TTC17: variants seen among roughly 807,000 people sequenced by gnomAD.
The protein encoded by TTC17 is tetratricopeptide repeat protein 17.
In TTC17, 58 loss-of-function variants were observed where a neutral mutation model predicts 143.8. That is an observed-to-expected ratio of 0.40 (90% confidence interval 0.33 to 0.50). The LOEUF is 0.50. TTC17 is among the 20% of genes least tolerant of loss of function. TTC17 has a pLI of 0.49. For missense variants in TTC17, 1,273 were observed against 1,392.5 expected (o/e 0.91, Z 1.37); for synonymous variants, 501 against 497.8 (o/e 1.01, Z -0.09).
intron 21 of TTC17, among the ~76,000 whole-genome samples, chr11:43,477,816 A>AT (rs534869820): frequency 1.3e-5 from 2 of 152,018 alleles, no homozygotes. Flanking sequence ...TTCTAAATTA[A>AT]TTTTTTTTGG....
chr11:43,493,652 G>A (rs746982436), intron 23 of TTC17, 121 bp from the exon 24 acceptor site: 200 of 1,465,256 alleles, frequency 1.4e-4, no homozygotes, highest in Middle Eastern at 7.2e-4. Context: ...ACTTAGATCC[G>A]TTGAGCAAAT....
chr11:43,444,266 C>G, intron 18 of TTC17, 57 bp downstream of exon 18: 4 of 1,524,626 alleles, frequency 2.6e-6, no homozygotes, highest in Non-Finnish European at 3.5e-6. Flanking sequence ...TATCTCATTT[C>G]TCACAAAGGT....
rs761825731 is a variant in TTC17 at position 43,450,095 on chromosome 11, A to G, written c.2800A>G (p.Ile934Val). The stretch of plus-strand genomic sequence containing the variant: ...TCCATTTTTCAGCATCACAGAACAC[A>G]TAGATTTTGCCACCCCTATACAGCA... The part of the protein sequence containing the change: ...SSKNIDITEH[I>V]DFATPIQQPA... The change falls in exon 20 of 24, where the codon ATA becomes GTA. Residue 934 changes from isoleucine to valine, a missense_variant. By Grantham distance (29) the Ile-to-Val change is conservative. This residue lies in a region of TTC17 where 878 missense variants were observed against 899.8 expected (regional missense o/e 0.98). Coordinates refer to ENST00000039989, the MANE Select transcript of TTC17 (RefSeq NM_018259.6). 9.9e-6 allele frequency: 16 copies of G among 1,613,814 alleles called. No individual in the cohort carries two copies. The highest frequency in any genetic ancestry group is 1.3e-5 in the African/African-American group (1 of 74,890).
At chr11:43,362,071 C>G (rs1490741076) in intron 1 of TTC17, among the ~76,000 whole-genome samples, 1 of 151,006 alleles carries the variant, frequency 6.6e-6, no homozygotes, top group Non-Finnish European at 1.5e-5. Context: ...ACCTCCGCCT[C>G]CCGGGTTCAA....
intron 21 of TTC17, among the ~76,000 whole-genome samples, chr11:43,464,295 A>G (rs1384709031): frequency 1.3e-5 from 2 of 152,046 alleles, no homozygotes; most frequent in East Asian, 1.9e-4. Context: ...AAAAAAAAAA[A>G]TTACATCCAT....
chr11:43,398,049 A>C lies in TTC17; in HGVS notation c.994A>C (p.Ile332Leu), dbSNP rs776082923. 1 of 1,614,010 alleles carries C rather than the reference A, an allele frequency of 6.2e-7. No individual in the cohort carries two copies. The highest frequency in any genetic ancestry group is 2.2e-5 in the East Asian group (1 of 44,872). ...LQARPGFEQA[I>L]KRKHAVLCQQ... ...GGCCAGACCTGGGTTTGAGCAAGCT[A>C]TAAAGAGGAAGCATGCTGTCCTATG... Residue 332 changes from isoleucine to leucine, a missense_variant, in exon 8 of 24, where the codon ATA becomes CTA. Physicochemically the swap from Ile to Leu is conservative, Grantham distance 5. Around this residue, in one of 3 missense-constraint regions of TTC17, gnomAD observed 325 missense variants for 444.2 expected, o/e 0.73. Transcript: ENST00000039989.
intron 16 of TTC17, among the ~76,000 whole-genome samples, chr11:43,434,306 G>T (rs916085824): frequency 5.3e-5 from 8 of 151,650 alleles, no homozygotes; most frequent in Non-Finnish European, 1.0e-4. Context: ...TTTACAAGTT[G>T]TACTTTTCAC....
chr11:43,466,712 C>T, intron 21 of TTC17: 1 of 358,058 alleles, frequency 2.8e-6, no homozygotes, highest in Non-Finnish European at 5.5e-6. Flanking sequence ...CAAATGAGTC[C>T]CAGTTTTTCA....
chr11:43,446,198 C>T, intron 18 of TTC17: 1 of 1,289,248 alleles, frequency 7.8e-7, no homozygotes, highest in Non-Finnish European at 9.8e-7. Context: ...ACATGCTATT[C>T]CCTCTGCCTG....
Position 43,379,935 on chromosome 11 carries a change from GTTTT to G in TTC17, c.249+620_249+623del, listed in dbSNP as rs199760648. On this transcript the variant is annotated intron_variant, in intron 2 of 23. Coordinates refer to ENST00000039989, the MANE Select transcript of TTC17 (RefSeq NM_018259.6). ...CAGTATTTGTTATTTGAAAAACTAGGTTTTTTTTTTCTCATGAAATCTCTGCTTT... is the reference window on the plus strand; with the variant it reads ...CAGTATTTGTTATTTGAAAAACTAGGTTTTTTCTCATGAAATCTCTGCTTT... Among the ~76,000 whole-genome samples, 5 of 148,712 alleles carry G rather than the reference GTTTT, an allele frequency of 3.4e-5. No individual in the cohort carries two copies. The South Asian group carries it at 1.1e-3, about 32-fold the overall frequency.
At chr11:43,406,566 CTT>C (rs58014740) in intron 13 of TTC17, among the ~76,000 whole-genome samples, 1 of 146,420 alleles carries the variant, frequency 6.8e-6, no homozygotes. Flanking sequence ...TCACAACCAC[CTT>C]TTTTTTTTTA....
chr11:43,370,213 C>G, intron 1 of TTC17: 1 of 381,450 alleles, frequency 2.6e-6, no homozygotes, highest in South Asian at 2.0e-5. Flanking sequence ...AGAGATAATT[C>G]CATGAGAAGT....
chr11:43,363,289 C>T (rs1856190325), intron 1 of TTC17, among the ~76,000 whole-genome samples: 1 of 152,114 alleles, frequency 6.6e-6, no homozygotes, highest in Non-Finnish European at 1.5e-5. Context: ...ATTTTTTAAT[C>T]AGTGTCTGGT....
rs375245646 is a variant in TTC17, at chr11:43,432,316, T to C, written c.2252-11009T>C. Among the ~76,000 whole-genome samples, 18 of 152,212 alleles carry C rather than the reference T, an allele frequency of 1.2e-4. No individual in the cohort carries two copies. The East Asian group carries it at 1.3e-3, about 11-fold the overall frequency. On this transcript the variant is annotated intron_variant, in intron 16 of 23. Transcript: ENST00000039989. ...AATTACCCTATTTATGCAGGAGATATCTAAGCATAGAAAAGAATGTTAATA... is the reference window on the plus strand; with the variant it reads ...AATTACCCTATTTATGCAGGAGATACCTAAGCATAGAAAAGAATGTTAATA...
chr11:43,395,010 A>G (rs1322819907), intron 5 of TTC17, among the ~76,000 whole-genome samples: 1 of 151,524 alleles, frequency 6.6e-6, no homozygotes, highest in Admixed American at 6.6e-5. Context: ...ACACAAAGAT[A>G]TTTCTTTAAA....
At chr11:43,459,293 G>T (rs1213573327) in intron 21 of TTC17, among the ~76,000 whole-genome samples, 2 of 152,142 alleles carry the variant, frequency 1.3e-5, no homozygotes, top group East Asian at 1.9e-4. Context: ...CAATTCCAGG[G>T]GTAGGGAACA....
intron 20 of TTC17, 99 bp downstream of exon 20, chr11:43,450,340 A>T: frequency 7.3e-7 from 1 of 1,366,840 alleles, no homozygotes; most frequent in Non-Finnish European, 9.6e-7. Context: ...TTTTAAAAAA[A>T]AATAGGGGCT....
chr11:43,406,497 G>C (rs1327057290), intron 13 of TTC17, among the ~76,000 whole-genome samples: 1 of 150,116 alleles, frequency 6.7e-6, no homozygotes, highest in East Asian at 1.9e-4. Context: ...TACCATATTA[G>C]ATATCATTCC....
chr11:43,493,850 AATCCAGACC>A lies in TTC17; in HGVS notation c.3379_3387del (p.Thr1127_Gln1129del). On this transcript the variant is annotated inframe_deletion, in exon 24 of 24. Coordinates refer to ENST00000039989, the MANE Select transcript of TTC17 (RefSeq NM_018259.6). ...CCGAGTTTGTCCCAGCCAAGAACCG[AATCCAGACC>A]ATCCAGTGTCACTTAATGCTGAAGA... 6.2e-7 allele frequency: 1 copy of A among 1,614,080 alleles called. No homozygotes were observed. The highest frequency in any genetic ancestry group is 8.5e-7 in the Non-Finnish European group (1 of 1,179,986).
Sources: allele counts gnomAD v4.1 joint callset (sites outside exome capture counted in the v4.1 genomes callset), GRCh38; gene constraint gnomAD v4.1.1; regional missense constraint gnomAD v4.1.1; transcripts MANE v1.5; gene names NCBI Gene and HGNC (gene_info 2026-07-23, HGNC 2026-07-21).